The following ARHGAP39 variants were observed in gnomAD, a reference collection of about 807,000 sequenced individuals.
ARHGAP39 encodes Rho GTPase activating protein 39.
A neutral mutation model predicts 106.9 loss-of-function variants in ARHGAP39; 44 were observed. The observed-to-expected ratio is 0.41, with a 90% CI of 0.32 to 0.53. ARHGAP39 has a LOEUF of 0.53. Ranked by LOEUF, ARHGAP39 falls within the 20% of genes least tolerant of loss-of-function variation. ARHGAP39 has a pLI of 0.21. For missense variants in ARHGAP39, 1,496 were observed against 1,577.3 expected (o/e 0.95, Z 0.87); for synonymous variants, 768 against 693.2 (o/e 1.11, Z -1.69).
At chr8:144,599,655 A>T (rs1819769254) in intron 2 of ARHGAP39, among the ~76,000 whole-genome samples, 1 of 152,194 alleles carries the variant, frequency 6.6e-6, no homozygotes, top group Non-Finnish European at 1.5e-5. Context: ...AAGAATAAAA[A>T]GGGGGACAAA....
intron 3 of ARHGAP39, among the ~76,000 whole-genome samples, chr8:144,561,117 GACCCCAGTGGTTTCCATTGC>G (rs1818125093): frequency 6.6e-6 from 1 of 151,708 alleles, no homozygotes; most frequent in South Asian, 2.1e-4. Flanking sequence ...ACAGCCCTAG[GACCCCAGTGGTTTCCATTGC>G]ACCCCAGCGG....
the ARHGAP39 span, among the ~76,000 whole-genome samples, chr8:144,695,113 G>C: frequency 2.2e-4 from 30 of 139,282 alleles, no homozygotes; most frequent in South Asian, 6.7e-3. Context: ...CTCCCTCTGT[G>C]GCCCAGGCTG....
At chr8:144,606,502 G>C (rs756632217) in intron 1 of ARHGAP39, among the ~76,000 whole-genome samples, 5 of 152,174 alleles carry the variant, frequency 3.3e-5, no homozygotes, top group Non-Finnish European at 5.9e-5. Context: ...TATAGGAAGA[G>C]TATAGTAGAT....
At chr8:144,638,593 CAA>C (rs1404833224) in intron 1 of ARHGAP39, among the ~76,000 whole-genome samples, 2 of 152,242 alleles carry the variant, frequency 1.3e-5, no homozygotes. Flanking sequence ...TTCCAGTTCA[CAA>C]AGTTTCTCTC....
chr8:144,563,392 G>A (rs1818276647), intron 3 of ARHGAP39, among the ~76,000 whole-genome samples: 1 of 152,044 alleles, frequency 6.6e-6, no homozygotes, highest in Non-Finnish European at 1.5e-5. Context: ...CAACAGCTTC[G>A]CAGTGGCAAA....
chr8:144,663,068 C>A (rs2129693541), intron 1 of ARHGAP39, among the ~76,000 whole-genome samples: 1 of 147,898 alleles, frequency 6.8e-6, no homozygotes, highest in East Asian at 2.0e-4. Flanking sequence ...CCCCACCCCC[C>A]ATTATCCATC....
chr8:144,576,332 CAAAAAAAAA>C (rs67038997), intron 3 of ARHGAP39, among the ~76,000 whole-genome samples: 1 of 63,812 alleles, frequency 1.6e-5, no homozygotes, highest in African/African-American at 5.9e-5. Flanking sequence ...GACTCCGTCT[CAAAAAAAAA>C]AAAAAAAAAA....
chr8:144,635,265 C>T (rs887793316), intron 1 of ARHGAP39, among the ~76,000 whole-genome samples: 2 of 152,070 alleles, frequency 1.3e-5, no homozygotes, highest in African/African-American at 2.4e-5. Context: ...TGGGGGGAGG[C>T]GAAAGAGGCT....
At chr8:144,642,492 A>C (rs542670363) in intron 1 of ARHGAP39, among the ~76,000 whole-genome samples, 1 of 151,416 alleles carries the variant, frequency 6.6e-6, no homozygotes, top group Non-Finnish European at 1.5e-5. Context: ...GTCTTAGGGG[A>C]AAAAAAATAG....
chr8:144,582,040 TCTC>T (rs1819011460), intron 2 of ARHGAP39, among the ~76,000 whole-genome samples: 1 of 151,912 alleles, frequency 6.6e-6, no homozygotes, highest in Admixed American at 6.5e-5. Context: ...TGGTGAGGTG[TCTC>T]GTTAGCCCTG....
chr8:144,656,021 G>A (rs920499000), intron 1 of ARHGAP39, among the ~76,000 whole-genome samples: 1 of 152,046 alleles, frequency 6.6e-6, no homozygotes, highest in Non-Finnish European at 1.5e-5. Flanking sequence ...TATTCTTAAA[G>A]AATAAAACCA....
chr8:144,614,313 T>C (rs1357264651), intron 1 of ARHGAP39, among the ~76,000 whole-genome samples: 2 of 152,190 alleles, frequency 1.3e-5, no homozygotes, highest in African/African-American at 4.8e-5. Context: ...TTATGAATGT[T>C]ACCTCTTGGA....
At chr8:144,612,116 G>GAGTGA (rs1329487461) in intron 1 of ARHGAP39, among the ~76,000 whole-genome samples, 1 of 152,162 alleles carries the variant, frequency 6.6e-6, no homozygotes, top group East Asian at 1.9e-4. Context: ...CAGGGCAACA[G>GAGTGA]AGTGAAGTGA....
At chr8:144,597,553 C>T (rs1432252786) in intron 2 of ARHGAP39, among the ~76,000 whole-genome samples, 3 of 152,162 alleles carry the variant, frequency 2.0e-5, no homozygotes, top group East Asian at 1.9e-4. Flanking sequence ...TGCAGATCTA[C>T]GCGACGCCCT....
intron 1 of ARHGAP39, among the ~76,000 whole-genome samples, chr8:144,676,605 C>A (rs1258734187): frequency 6.6e-6 from 1 of 152,260 alleles, no homozygotes; most frequent in Non-Finnish European, 1.5e-5. Context: ...AAGTCCCCAC[C>A]CGACCCAGAA....
intron 8 of ARHGAP39, 80 bp from the exon 9 acceptor site, chr8:144,533,405 GA>G: frequency 7.1e-7 from 1 of 1,400,390 alleles, no homozygotes; most frequent in African/African-American, 1.4e-5. Flanking sequence ...TTCTTTCCCC[GA>G]ACATAGGTGG....
At chr8:144,607,235 C>CAAAA (rs1167793437) in intron 1 of ARHGAP39, among the ~76,000 whole-genome samples, 14 of 50,682 alleles carry the variant, frequency 2.8e-4, no homozygotes, top group African/African-American at 4.8e-4. Flanking sequence ...GACATTGTCT[C>CAAAA]AAAAAAAAAA....
intron 2 of ARHGAP39, among the ~76,000 whole-genome samples, chr8:144,594,694 C>CAA (rs56889764): frequency 1.2e-5 from 1 of 80,334 alleles, no homozygotes; most frequent in Non-Finnish European, 2.8e-5. Context: ...AACGCCACCT[C>CAA]AAAAAAAAAA....
At position 144,604,707 on chromosome 8, in the gene ARHGAP39, T is replaced by C. The variant is rs571340128; in HGVS notation, c.80+828A>G. Reference sequence around the variant, plus strand: ...AAAAAGGCCAAGGAGAGAGAGGCAGTCAGGGGCAGAGCTGACCTGGAGGCA... The same window carrying C: ...AAAAAGGCCAAGGAGAGAGAGGCAGCCAGGGGCAGAGCTGACCTGGAGGCA... On this transcript the variant is annotated intron_variant, in intron 2 of 11. Transcript: ENST00000377307. The surrounding 1 kb of genome is among the most constrained non-coding windows in gnomAD (Gnocchi z 4.1). Among the ~76,000 whole-genome samples the C allele has an allele frequency of 5.9e-5, 9 of 152,242 alleles. No homozygotes were observed. Among genetic ancestry groups the C allele is most frequent in the South Asian group, 2.1e-4 (1 of 4,820 alleles).
Sources: gnomAD v4.1 joint callset for allele counts (sites outside exome capture counted in the v4.1 genomes callset) on GRCh38, gnomAD v4.1.1 for gene constraint, Gnocchi (gnomAD v3.1) non-coding constraint, MANE v1.5 for transcripts, NCBI Gene and HGNC (gene_info 2026-07-23, HGNC 2026-07-21) for gene names.